The following KCNN2 variants were observed in gnomAD, a reference collection of about 807,000 sequenced individuals.
KCNN2 encodes small conductance calcium-activated potassium channel protein 2.
A neutral mutation model predicts 55.5 loss-of-function variants in KCNN2; 24 were observed. The ratio of observed to expected loss-of-function variants is 0.43; its 90% CI spans 0.31 to 0.61. KCNN2 has a LOEUF of 0.61. Among genes scored for constraint, KCNN2 ranks in the 20% least tolerant of loss-of-function variants. KCNN2 has a pLI of 0.08. For missense variants in KCNN2, 754 were observed against 853.6 expected (o/e 0.88, Z 1.45); for synonymous variants, 431 against 336.1 (o/e 1.28, Z -3.09).
intron 1 of KCNN2, among the ~76,000 whole-genome samples, chr5:114,198,997 T>C (rs1481038190): frequency 6.6e-6 from 1 of 152,116 alleles, no homozygotes; most frequent in African/African-American, 2.4e-5. Flanking sequence ...TTTTTTGTCT[T>C]GATGATCTGT....
At chr5:114,458,227 C>T (rs1761019216) in intron 3 of KCNN2, among the ~76,000 whole-genome samples, 1 of 152,132 alleles carries the variant, frequency 6.6e-6, no homozygotes, top group Admixed American at 6.5e-5. Context: ...CATTTGAGAC[C>T]AGAGCTGACA....
At chr5:114,159,618 G>C (rs549654295) in intron 1 of KCNN2, among the ~76,000 whole-genome samples, 79 of 152,256 alleles carry the variant, frequency 5.2e-4, no homozygotes, top group Non-Finnish European at 1.0e-3. Flanking sequence ...ATTCAGCTGT[G>C]AGTCCATCTG....
intron 1 of KCNN2, among the ~76,000 whole-genome samples, chr5:114,211,686 G>A (rs940030121): frequency 1.3e-5 from 2 of 151,970 alleles, no homozygotes. Context: ...ACAAACCTGT[G>A]CATGTACCCT....
At chr5:114,127,442 G>A (rs986225049) in intron 1 of KCNN2, among the ~76,000 whole-genome samples, 5 of 152,142 alleles carry the variant, frequency 3.3e-5, no homozygotes, top group East Asian at 1.9e-4. Flanking sequence ...GCCATGACTC[G>A]AGCTGCACCT....
chr5:114,105,217 C>G (rs1751460157), intron 1 of KCNN2, among the ~76,000 whole-genome samples: 1 of 152,056 alleles, frequency 6.6e-6, no homozygotes, highest in African/African-American at 2.4e-5. Context: ...TGTTGCCTTG[C>G]ACACAGATCA....
chr5:114,092,615 C>A (rs1751168164), intron 1 of KCNN2, among the ~76,000 whole-genome samples: 1 of 152,220 alleles, frequency 6.6e-6, no homozygotes, highest in South Asian at 2.1e-4. Context: ...AGGGCTCCAT[C>A]CCTGCATCAC....
At chr5:114,300,614 G>A (rs1048169013) in intron 2 of KCNN2, among the ~76,000 whole-genome samples, 3 of 152,144 alleles carry the variant, frequency 2.0e-5, no homozygotes, top group Non-Finnish European at 4.4e-5. Flanking sequence ...AGAAGAAAAG[G>A]AAAAGAGAAA....
chr5:114,294,826 CTA>C (rs1263884610), intron 2 of KCNN2, among the ~76,000 whole-genome samples: 1 of 152,100 alleles, frequency 6.6e-6, no homozygotes, highest in Non-Finnish European at 1.5e-5. Context: ...GTGTGGGACT[CTA>C]AGGACTTGCT....
chr5:114,304,471 C>T (rs1428984618), intron 2 of KCNN2, among the ~76,000 whole-genome samples: 1 of 152,190 alleles, frequency 6.6e-6, no homozygotes, highest in Non-Finnish European at 1.5e-5. Context: ...ATATCCAGCT[C>T]ATGATGGGAA....
At chr5:114,195,828 T>C (rs1753545645) in intron 1 of KCNN2, among the ~76,000 whole-genome samples, 1 of 152,064 alleles carries the variant, frequency 6.6e-6, no homozygotes, top group African/African-American at 2.4e-5. Flanking sequence ...CGTAGGTTTT[T>C]TGTAGATGCC....
intron 1 of KCNN2, among the ~76,000 whole-genome samples, chr5:114,164,470 A>G (rs1316945023): frequency 6.6e-6 from 1 of 152,228 alleles, no homozygotes; most frequent in Admixed American, 6.5e-5. Context: ...TAATTTCAAT[A>G]ATCAAGAATA....
At chr5:114,065,022 A>G (rs1239478833) in intron 1 of KCNN2, among the ~76,000 whole-genome samples, 1 of 152,156 alleles carries the variant, frequency 6.6e-6, no homozygotes, top group African/African-American at 2.4e-5. Flanking sequence ...ATGTGATGTG[A>G]TACCATGTAT....
chr5:114,078,547 G>A (rs1750731303), intron 1 of KCNN2, among the ~76,000 whole-genome samples: 1 of 152,280 alleles, frequency 6.6e-6, no homozygotes, highest in East Asian at 1.9e-4. Context: ...CACCAGAAGT[G>A]GAACCTTCTC....
At chr5:114,433,205 T>C (rs967549485) in intron 3 of KCNN2, among the ~76,000 whole-genome samples, 4 of 152,152 alleles carry the variant, frequency 2.6e-5, no homozygotes, top group African/African-American at 7.2e-5. Flanking sequence ...AATACACCAA[T>C]TGGCATTCTG....
In KCNN2 at chr5:114,214,279, G is replaced by A. The variant is rs551530069; in HGVS notation, c.-270-7201G>A. On this transcript the variant is annotated intron_variant, in intron 1 of 10. Transcript: ENST00000512097. ...TAGACGATGTATAGAGAATGAGCAT[G>A]GTTGTGATGCAATAAAACTTTGTTT... Among the ~76,000 whole-genome samples, 7 of 152,030 alleles carry A rather than the reference G, an allele frequency of 4.6e-5. No individual in the cohort carries two copies. In the South Asian group the frequency reaches 1.5e-3, roughly 32 times the overall value.
intron 2 of KCNN2, among the ~76,000 whole-genome samples, chr5:114,228,509 G>C (rs1021970659): frequency 6.6e-6 from 1 of 151,998 alleles, no homozygotes; most frequent in Non-Finnish European, 1.5e-5. Flanking sequence ...GTTTTATTAT[G>C]ATGTAGTCTG....
intron 1 of KCNN2, among the ~76,000 whole-genome samples, chr5:114,102,219 C>G (rs1228393308): frequency 6.6e-6 from 1 of 151,856 alleles, no homozygotes; most frequent in East Asian, 1.9e-4. Context: ...CTGTTGGCCA[C>G]ATAAATGTCT....
chr5:114,343,018 G>A (rs146166420), intron 2 of KCNN2, among the ~76,000 whole-genome samples: 149 of 152,188 alleles, frequency 9.8e-4, no homozygotes, highest in African/African-American at 3.4e-3. Context: ...GTTTTTTTGA[G>A]CTCTTATGCT....
At chr5:114,125,858 G>A (rs1403791802) in intron 1 of KCNN2, among the ~76,000 whole-genome samples, 1 of 152,102 alleles carries the variant, frequency 6.6e-6, no homozygotes, top group Admixed American at 6.5e-5. Flanking sequence ...GTGGATTGGG[G>A]CCCATCCTAA....
Sources: allele counts gnomAD v4.1 joint callset (sites outside exome capture counted in the v4.1 genomes callset), GRCh38; gene constraint gnomAD v4.1.1; transcripts MANE v1.5; gene names NCBI Gene and HGNC (gene_info 2026-07-23, HGNC 2026-07-21).